SGCZ: variants seen among roughly 807,000 people sequenced by gnomAD.
SGCZ encodes the protein sarcoglycan zeta, also known as zeta-sarcoglycan.
A neutral mutation model predicts 41.3 loss-of-function variants in SGCZ; 40 were observed. The ratio of observed to expected loss-of-function variants is 0.97; its 90% CI spans 0.75 to 1.26. SGCZ has a LOEUF of 1.26. SGCZ is among the 50% of genes most tolerant of loss of function. The pLI is 0.00. For synonymous variants in SGCZ, 206 were observed against 137.5 expected, an observed-to-expected ratio of 1.50 and a Z score of -3.49; for missense variants, 552 against 369.8, an observed-to-expected ratio of 1.49 and a Z score of -4.04.
chr8:14,180,840 C>G (rs1382582903), intron 4 of SGCZ, among the ~76,000 whole-genome samples: 2 of 151,770 alleles, frequency 1.3e-5, no homozygotes, highest in African/African-American at 4.8e-5. Context: ...CTATGTGAAC[C>G]TGAATTTGAG....
chr8:14,926,523 A>G lies in SGCZ; in HGVS notation c.39+311062T>C, dbSNP rs1426338076. Among the ~76,000 whole-genome samples, 4 of 152,170 alleles carry G rather than the reference A, an allele frequency of 2.6e-5. No homozygotes were observed. The East Asian group carries it at 7.7e-4, about 29-fold the overall frequency. Reference sequence around the variant, plus strand: ...CCTCTTTGTTCTAAACAAATGTTGTACTGAAATTGTATTTCACCATCCTGA... The same window carrying G: ...CCTCTTTGTTCTAAACAAATGTTGTGCTGAAATTGTATTTCACCATCCTGA... On this transcript the variant is annotated intron_variant, in intron 1 of 7. Transcript: ENST00000382080.
At chr8:14,825,647 C>A (rs58636797) in intron 1 of SGCZ, among the ~76,000 whole-genome samples, 18,900 of 152,066 alleles carry the variant, frequency 0.12, 1,597 homozygotes, top group East Asian at 0.23. Flanking sequence ...TATCTTAGTA[C>A]AACGGAACTT....
intron 1 of SGCZ, among the ~76,000 whole-genome samples, chr8:14,828,774 C>G: frequency 6.6e-6 from 1 of 152,274 alleles, no homozygotes; most frequent in Non-Finnish European, 1.5e-5. Flanking sequence ...TTGAGAGAAT[C>G]ATCAACTAAA....
chr8:14,486,567 A>AGT (rs1014601575), intron 2 of SGCZ, among the ~76,000 whole-genome samples: 9 of 152,186 alleles, frequency 5.9e-5, no homozygotes, highest in Admixed American at 1.3e-4. Context: ...GTGAGTAATG[A>AGT]GTGTGTGTGT....
Position 14,108,031 on chromosome 8 carries a change from A to G in SGCZ, c.620+132T>C, listed in dbSNP as rs559234657. On this transcript the variant is annotated intron_variant, in intron 6 of 7. Transcript: ENST00000382080. ...TTTTTCCACATTCTTCCTATCTAAT[A>G]TATTCATTTTTGTATTTATTTTAAG... The G allele has an allele frequency of 1.9e-5, 14 of 746,828 alleles. No individual in the cohort carries two copies. In the African/African-American group the frequency reaches 2.2e-4, roughly 12 times the overall value. 46.3% of individuals were successfully genotyped at this position (746,828 alleles called of 1,614,324 possible).
chr8:14,264,787 C>T (rs1799816447), intron 3 of SGCZ, among the ~76,000 whole-genome samples: 1 of 152,174 alleles, frequency 6.6e-6, no homozygotes, highest in Non-Finnish European at 1.5e-5. Context: ...CGGTGAAACC[C>T]CGTCTCTACT....
At chr8:14,190,945 C>G (rs989511790) in intron 4 of SGCZ, among the ~76,000 whole-genome samples, 3 of 152,162 alleles carry the variant, frequency 2.0e-5, no homozygotes, top group African/African-American at 7.2e-5. Flanking sequence ...CTGGTTACAT[C>G]AATCTACATT....
At chr8:15,141,932 G>A (rs1425092702) in intron 1 of SGCZ, among the ~76,000 whole-genome samples, 1 of 151,574 alleles carries the variant, frequency 6.6e-6, no homozygotes, top group East Asian at 1.9e-4. Flanking sequence ...GAACCTCAGT[G>A]AAAAGATCTG....
chr8:14,345,670 G>C (rs1253271025), intron 2 of SGCZ, among the ~76,000 whole-genome samples: 1 of 152,016 alleles, frequency 6.6e-6, no homozygotes, highest in African/African-American at 2.4e-5. Flanking sequence ...CCATTGCTCA[G>C]TTCCTAAAGA....
At chr8:14,591,087 C>G (rs941941383) in intron 1 of SGCZ, among the ~76,000 whole-genome samples, 2 of 150,946 alleles carry the variant, frequency 1.3e-5, no homozygotes, top group African/African-American at 4.9e-5. Context: ...AGAAACAGGA[C>G]AAGAGACCAG....
intron 1 of SGCZ, among the ~76,000 whole-genome samples, chr8:15,190,963 G>A (rs967859320): frequency 2.6e-5 from 4 of 151,862 alleles, no homozygotes; most frequent in Admixed American, 2.6e-4. Context: ...GACTATCTAT[G>A]GATTCAGGTG....
At chr8:15,130,998 T>A (rs993581853) in intron 1 of SGCZ, among the ~76,000 whole-genome samples, 2 of 152,186 alleles carry the variant, frequency 1.3e-5, no homozygotes, top group African/African-American at 4.8e-5. Flanking sequence ...CAGCCTGTAG[T>A]TTCAAATGAA....
At chr8:15,049,294 G>C (rs1804429880) in intron 1 of SGCZ, among the ~76,000 whole-genome samples, 2 of 152,074 alleles carry the variant, frequency 1.3e-5, no homozygotes, top group African/African-American at 4.8e-5. Context: ...ATATACAAAG[G>C]CCTTTCTTTA....
chr8:14,673,454 C>G (rs1451246730), intron 1 of SGCZ, among the ~76,000 whole-genome samples: 1 of 152,034 alleles, frequency 6.6e-6, no homozygotes, highest in Non-Finnish European at 1.5e-5. Context: ...CTGTCTCTCT[C>G]TCTCTCTCTC....
intron 3 of SGCZ, among the ~76,000 whole-genome samples, chr8:14,276,839 A>G (rs908735895): frequency 2.2e-4 from 34 of 152,294 alleles, no homozygotes; most frequent in African/African-American, 7.9e-4. Flanking sequence ...TATCCTCTCC[A>G]TAGGGTGGAC....
At chr8:14,983,951 C>G (rs1349351460) in intron 1 of SGCZ, among the ~76,000 whole-genome samples, 1 of 151,960 alleles carries the variant, frequency 6.6e-6, no homozygotes, top group Admixed American at 6.6e-5. Context: ...TTGTTTCAAC[C>G]AATACTCGCT....
chr8:14,736,274 T>C (rs1007362409), intron 1 of SGCZ, among the ~76,000 whole-genome samples: 3 of 152,138 alleles, frequency 2.0e-5, no homozygotes, highest in Admixed American at 6.6e-5. Flanking sequence ...CACCAGTTTG[T>C]GTAACTGGAT....
rs114844274 is a variant in SGCZ at position 14,840,438 on chromosome 8, G to A, written c.40-285512C>T. Among the ~76,000 whole-genome samples the A allele has an allele frequency of 4.5e-3, 680 of 152,032 alleles. 4 individuals are homozygous for A. Among genetic ancestry groups the A allele is most frequent in the African/African-American group, 0.015 (640 of 41,468 alleles). On this transcript the variant is annotated intron_variant, in intron 1 of 7. Transcript: ENST00000382080. ...TTCAGTTGTAATAATACAATGTTGC[G>A]GAAAACAATATATCAACGTTCCGTG...
At chr8:14,592,656 A>G (rs1223937132) in intron 1 of SGCZ, among the ~76,000 whole-genome samples, 3 of 152,214 alleles carry the variant, frequency 2.0e-5, no homozygotes, top group Admixed American at 6.5e-5. Flanking sequence ...AATCAGATTA[A>G]TAGTAATAAA....
Sources: allele counts gnomAD v4.1 joint callset (sites outside exome capture counted in the v4.1 genomes callset), GRCh38; gene constraint gnomAD v4.1.1; transcripts MANE v1.5; gene names NCBI Gene and HGNC (gene_info 2026-07-23, HGNC 2026-07-21).